RHOBTB2: variants seen among roughly 807,000 people sequenced by gnomAD.
The protein encoded by RHOBTB2 is rho-related BTB domain-containing protein 2.
A neutral mutation model predicts 66.5 loss-of-function variants in RHOBTB2; 39 were observed. The ratio of observed to expected loss-of-function variants is 0.59; its 90% CI spans 0.45 to 0.77. The LOEUF is 0.77. RHOBTB2 is among the 30% of genes least tolerant of loss of function. The pLI is 0.00. For synonymous variants in RHOBTB2, 390 were observed against 395.0 expected (o/e 0.99, Z 0.15); for missense variants, 755 against 999.1 (o/e 0.76, Z 3.29).
chr8:22,960,181 TA>T, the RHOBTB2 span, among the ~76,000 whole-genome samples: 21 of 142,270 alleles, frequency 1.5e-4, no homozygotes, highest in South Asian at 2.0e-3. Flanking sequence ...AGACTCCATC[TA>T]AAAAAAAAAA....
upstream of RHOBTB2, among the ~76,000 whole-genome samples, chr8:22,999,377 C>A (rs1810683331): frequency 6.6e-6 from 1 of 152,086 alleles, no homozygotes; most frequent in South Asian, 2.1e-4. Flanking sequence ...CCCAGACCCG[C>A]GAGCCGAGAC....
At chr8:22,991,574 C>A (rs1810426154) in intron 1 of RHOBTB2, among the ~76,000 whole-genome samples, 1 of 152,178 alleles carries the variant, frequency 6.6e-6, no homozygotes. Flanking sequence ...GGCCAGAGAC[C>A]CCTCAGGTAT....
intron 6 of RHOBTB2, 25 bp from the exon 7 acceptor site, chr8:23,010,513 G>A: frequency 6.2e-7 from 1 of 1,603,940 alleles, no homozygotes. Context: ...TCTCATTGCT[G>A]TCCGCTCACT....
rs1171181191 is a variant in RHOBTB2, at chr8:23,014,671, G to T, written c.1772-19G>T. 5 of 1,610,542 alleles carry T rather than the reference G, an allele frequency of 3.1e-6. No individual in the cohort carries two copies. Among genetic ancestry groups the T allele is most frequent in the Non-Finnish European group, 4.2e-6 (5 of 1,177,106 alleles). ...GGTCATGTGCTTCTTCAGCTGATTG[G>T]TGGCCGTGTGTGTTACAGAGCAGTA... is the stretch of plus-strand genomic sequence containing the variant. On this transcript the variant is annotated intron_variant, in intron 7 of 9. Transcript: ENST00000251822.
At chr8:23,001,628 GCCTCT>G (rs1563288852) in intron 1 of RHOBTB2, among the ~76,000 whole-genome samples, 4 of 152,176 alleles carry the variant, frequency 2.6e-5, no homozygotes, top group Non-Finnish European at 5.9e-5. Flanking sequence ...TTTCAGCCCA[GCCTCT>G]CTTGGCACAA....
At chr8:22,960,540 A>G in the RHOBTB2 span, among the ~76,000 whole-genome samples, 2 of 152,136 alleles carry the variant, frequency 1.3e-5, no homozygotes, top group East Asian at 3.9e-4. Context: ...GCTGGTCTCA[A>G]ACTCCTGACC....
chr8:23,007,377 T>C lies in RHOBTB2; in HGVS notation c.1132T>C (p.Tyr378His), dbSNP rs1364202177. Residue 378 changes from tyrosine (Y) to histidine (H), a missense_variant, in exon 5 of 10, where the codon TAC (tyrosine) becomes CAC (histidine). Tyr to His is a moderately conservative substitution (Grantham distance 83, BLOSUM62 2). Transcript: ENST00000251822. Reference sequence around the variant, plus strand: ...GATCTTACGGGGCAACGGAACAGGGTACCTACCGGGCAGGGGTCGTGTGCT... The same window carrying C: ...GATCTTACGGGGCAACGGAACAGGGCACCTACCGGGCAGGGGTCGTGTGCT... ...DGILRGNGTG[Y>H]LPGRGRVLSS... 2 of 1,614,010 alleles carry C rather than the reference T, an allele frequency of 1.2e-6. No homozygotes were observed. The highest frequency in any genetic ancestry group is 2.2e-5 in the East Asian group (1 of 44,884).
At chr8:23,003,104 C>T (rs1268758759) in intron 1 of RHOBTB2, among the ~76,000 whole-genome samples, 5 of 152,180 alleles carry the variant, frequency 3.3e-5, no homozygotes, top group African/African-American at 4.8e-5. Flanking sequence ...GGGATGACTC[C>T]GGGCTGCTAA....
rs941208583 is a variant in RHOBTB2, at chr8:22,999,609, GTTTTTTTCTTTTCTTT to G, written c.-498_-483del. The stretch of plus-strand genomic sequence containing the variant: ...TTTCTCCTCCTTTTTTTACCCTCCC[GTTTTTTTCTTTTCTTT>G]TTTTTTTCCCTATCCTTTTTTTGTG... On this transcript the variant is annotated 5_prime_UTR_variant, in exon 1 of 10. Coordinates refer to ENST00000251822, the MANE Select transcript of RHOBTB2 (RefSeq NM_015178.3). 10 of 1,233,844 alleles carry G rather than the reference GTTTTTTTCTTTTCTTT, an allele frequency of 8.1e-6. No homozygotes were observed. In the African/African-American group the frequency reaches 1.7e-4, roughly 21 times the overall value. 76.4% of individuals were successfully genotyped at this position (1,233,844 alleles called of 1,614,324 possible).
upstream of RHOBTB2, chr8:22,984,540 A>C (rs1281307259): frequency 2.6e-5 from 4 of 152,366 alleles, no homozygotes; most frequent in African/African-American, 9.6e-5. Flanking sequence ...TGCAAGTGGA[A>C]CATCTTCAAT....
Position 23,005,949 on chromosome 8 carries a change from C to G in RHOBTB2, c.297-11C>G, listed in dbSNP as rs760244287. 4 of 1,604,240 alleles carry G rather than the reference C, an allele frequency of 2.5e-6. No individual in the cohort carries two copies. Among genetic ancestry groups the G allele is most frequent in the African/African-American group, 2.7e-5 (2 of 74,872 alleles). On this transcript the variant is annotated splice_polypyrimidine_tract_variant and intron_variant, in intron 3 of 9. Transcript: ENST00000251822. ...GTTTCTCTGCCCGTAACCTTACTTT[C>G]CCACCCGCAGATCTGATGTGGTGGT...
In RHOBTB2 at chr8:23,006,646, C is replaced by T; in HGVS notation, c.483-82C>T. ...TGGGGATTGGCACCCAGATCCTGAG[C>T]AGAGTCCCTCCAGCCTGTGGAAGAA... On this transcript the variant is annotated intron_variant, in intron 4 of 9. Transcript: ENST00000251822. The surrounding 1 kb of genome is among the most constrained non-coding windows in gnomAD (Gnocchi z 6.1). 7.3e-7 allele frequency: 1 copy of T among 1,376,918 alleles called. No homozygotes were observed. Among genetic ancestry groups the T allele is most frequent in the Non-Finnish European group, 1.0e-6 (1 of 993,182 alleles). The allele number at this position is 1,376,918 out of a possible 1,614,324, so 85.3% of individuals were successfully genotyped here.
intron 2 of RHOBTB2, among the ~76,000 whole-genome samples, chr8:22,992,337 G>A (rs954941911): frequency 6.6e-6 from 1 of 152,098 alleles, no homozygotes; most frequent in Non-Finnish European, 1.5e-5. Context: ...CATGCTGCAA[G>A]AGATGCTAAT....
rs760396479 is a variant in RHOBTB2, at chr8:23,006,063, CCT to C, written c.401_402del (p.Pro134ArgfsTer14). On this transcript the variant is annotated frameshift_variant, in exon 4 of 10. Coordinates refer to ENST00000251822, the MANE Select transcript of RHOBTB2 (RefSeq NM_015178.3). LOFTEE classifies it high-confidence loss of function. This position sits in a 1 kb window ranked among gnomAD's most constrained non-coding sequence, Gnocchi z 6.1. ...AATCAAGCACTTCTGCCCCCGAGCA[CCT>C]GTCATCTTGGTGGGCTGCCAGTTGG... ...PEIKHFCPRA[P>X]VILVGCQLDL... 4 of 1,614,142 alleles carry C rather than the reference CCT, an allele frequency of 2.5e-6. No homozygotes were observed. The African/African-American group carries it at 5.3e-5, about 22-fold the overall frequency.
intron 1 of RHOBTB2, among the ~76,000 whole-genome samples, chr8:22,991,664 C>T (rs574016968): frequency 6.6e-6 from 1 of 152,130 alleles, no homozygotes; most frequent in Non-Finnish European, 1.5e-5. Flanking sequence ...ACGGCTTTTA[C>T]ACCATTCTCT....
intron 2 of RHOBTB2, among the ~76,000 whole-genome samples, chr8:22,992,718 A>C (rs1052302833): frequency 6.6e-6 from 1 of 152,204 alleles, no homozygotes; most frequent in African/African-American, 2.4e-5. Flanking sequence ...GCAGTGTTTC[A>C]CGTCATTAAG....
chr8:22,964,004 C>G, the RHOBTB2 span, among the ~76,000 whole-genome samples: 1 of 152,274 alleles, frequency 6.6e-6, no homozygotes, highest in East Asian at 1.9e-4. Flanking sequence ...TGGTCTCAGA[C>G]TGCCGACCTC....
chr8:22,994,891 G>T (rs565780034), upstream of RHOBTB2, among the ~76,000 whole-genome samples: 1 of 151,988 alleles, frequency 6.6e-6, no homozygotes, highest in Non-Finnish European at 1.5e-5. Flanking sequence ...TCAGCCTCCC[G>T]AGTAGCTGGG....
chr8:23,010,887 G>A lies in RHOBTB2; in HGVS notation c.1771+199G>A, dbSNP rs575556451. Among the ~76,000 whole-genome samples, 7 of 152,322 alleles carry A rather than the reference G, an allele frequency of 4.6e-5. No individual in the cohort carries two copies. The East Asian group carries it at 1.4e-3, about 29-fold the overall frequency. ...AAGAAGGGTGGTGCGGGGCATGTTT[G>A]ATGGGGTCACCTGAGAGGCTCTCTC... On this transcript the variant is annotated intron_variant, in intron 7 of 9. Transcript: ENST00000251822.
Sources: gnomAD v4.1 joint callset for allele counts (sites outside exome capture counted in the v4.1 genomes callset) on GRCh38, gnomAD v4.1.1 for gene constraint, Gnocchi (gnomAD v3.1) non-coding constraint, MANE v1.5 for transcripts, NCBI Gene and HGNC (gene_info 2026-07-23, HGNC 2026-07-21) for gene names.